Variants in DENND1A observed in about 807,000 individuals in gnomAD.
DENND1A encodes the protein DENN domain-containing protein 1A.
Under a neutral mutation model 113.7 loss-of-function variants are expected in DENND1A, and 51 were observed. That is an observed-to-expected ratio of 0.45 (90% confidence interval 0.36 to 0.57). The LOEUF (loss-of-function observed/expected upper bound fraction) is 0.57. Ranked by LOEUF, DENND1A falls within the 20% of genes least tolerant of loss-of-function variation. DENND1A has a pLI of 0.00. For missense variants in DENND1A, 1,258 were observed against 1,395.9 expected (o/e 0.90, Z 1.57); for synonymous variants, 565 against 570.8 (o/e 0.99, Z 0.14).
intron 13 of DENND1A, among the ~76,000 whole-genome samples, chr9:123,556,817 G>T (rs974738007): frequency 1.2e-4 from 18 of 152,262 alleles, no homozygotes; most frequent in Admixed American, 3.3e-4. Flanking sequence ...GCCAAGAGTA[G>T]GCCGAGGAGA....
intron 13 of DENND1A, among the ~76,000 whole-genome samples, chr9:123,554,553 G>A (rs966627964): frequency 1.3e-5 from 2 of 152,196 alleles, no homozygotes; most frequent in Admixed American, 1.3e-4. Context: ...AACCATCTAG[G>A]TGACATGGTG....
intron 13 of DENND1A, chr9:123,461,880 T>G (rs1056240706): frequency 1.8e-5 from 2 of 113,588 alleles, no homozygotes; most frequent in Admixed American, 2.6e-4. Flanking sequence ...GAATTAGACA[T>G]GGGAAGAAAG....
chr9:123,538,835 T>TAC (rs2056041016), intron 13 of DENND1A, among the ~76,000 whole-genome samples: 1 of 122,408 alleles, frequency 8.2e-6, no homozygotes, highest in Non-Finnish European at 1.7e-5. Context: ...TATATATATA[T>TAC]ATATATATAT....
intron 5 of DENND1A, among the ~76,000 whole-genome samples, chr9:123,730,318 G>C (rs891994553): frequency 5.3e-5 from 8 of 152,130 alleles, no homozygotes; most frequent in Non-Finnish European, 1.2e-4. Context: ...AGAGTGAACA[G>C]GCAACCTACA....
intron 10 of DENND1A, among the ~76,000 whole-genome samples, chr9:123,611,980 T>C (rs1186652959): frequency 6.6e-6 from 1 of 152,240 alleles, no homozygotes. Context: ...AGAGTAATTA[T>C]GGCCTATCGC....
chr9:123,811,522 G>C (rs1247224784), intron 2 of DENND1A, among the ~76,000 whole-genome samples: 2 of 152,214 alleles, frequency 1.3e-5, no homozygotes, highest in African/African-American at 4.8e-5. Context: ...CACTTTGGGA[G>C]GCTGAGGCGG....
intron 1 of DENND1A, among the ~76,000 whole-genome samples, chr9:123,903,330 T>TC (rs1416008838): frequency 9.4e-5 from 2 of 21,190 alleles, no homozygotes; most frequent in African/African-American, 1.2e-3. Context: ...AGACTCCGTC[T>TC]CAAAAAAAAA....
At chr9:123,421,218 C>T (rs941978849) in intron 19 of DENND1A, among the ~76,000 whole-genome samples, 5 of 150,928 alleles carry the variant, frequency 3.3e-5, no homozygotes, top group Non-Finnish European at 7.4e-5. Flanking sequence ...TACCAGGCCC[C>T]GTGCTAGGAG....
chr9:123,482,133 T>C (rs1230237414), intron 13 of DENND1A, among the ~76,000 whole-genome samples: 1 of 152,180 alleles, frequency 6.6e-6, no homozygotes, highest in Non-Finnish European at 1.5e-5. Context: ...AGTCTCGCTC[T>C]GTTGCCCAGG....
chr9:123,583,107 G>A (rs1221871435), intron 12 of DENND1A, 62 bp downstream of exon 12: 1 of 1,284,714 alleles, frequency 7.8e-7, no homozygotes, highest in Non-Finnish European at 1.1e-6. Context: ...ATTCCCCAAA[G>A]TCACGTTCAT....
At chr9:123,533,593 A>G (rs1466380630) in intron 13 of DENND1A, among the ~76,000 whole-genome samples, 1 of 152,158 alleles carries the variant, frequency 6.6e-6, no homozygotes, top group Admixed American at 6.6e-5. Flanking sequence ...ACAATGTCTC[A>G]AGCACTGCGA....
chr9:123,502,708 T>A (rs573785746), intron 13 of DENND1A, among the ~76,000 whole-genome samples: 14 of 152,230 alleles, frequency 9.2e-5, no homozygotes, highest in Non-Finnish European at 1.9e-4. Context: ...TTTGTCTAGT[T>A]TTTCTTTCGT....
chr9:123,497,286 C>G (rs529939498), intron 13 of DENND1A, among the ~76,000 whole-genome samples: 31 of 152,332 alleles, frequency 2.0e-4, no homozygotes, highest in Admixed American at 5.9e-4. Flanking sequence ...CTGAAGCTGA[C>G]AGAGCACGAA....
rs527388565 is a variant in DENND1A, at chr9:123,871,901, G to A, written c.88+7050C>T. ...AAGCATCTGCCCAAGAAGAGTGCCC[G>A]CTGCAGGCTAAGATGCCAGCTGTAA... On this transcript the variant is annotated intron_variant, in intron 2 of 23. Coordinates refer to ENST00000394215, the MANE Select transcript of DENND1A (RefSeq NM_001352964.2). Among the ~76,000 whole-genome samples the A allele has an allele frequency of 5.9e-5, 9 of 152,284 alleles. No homozygotes were observed. The South Asian group carries it at 1.2e-3, about 21-fold the overall frequency.
chr9:123,413,711 G>A (rs2044490963), intron 19 of DENND1A: 2 of 985,412 alleles, frequency 2.0e-6, no homozygotes, highest in Admixed American at 6.1e-5. Context: ...CCCATGCTTG[G>A]TGACCCTTCA....
At chr9:123,397,710 T>C (rs1456849409) in intron 21 of DENND1A, among the ~76,000 whole-genome samples, 1 of 152,184 alleles carries the variant, frequency 6.6e-6, no homozygotes, top group Non-Finnish European at 1.5e-5. Context: ...TAATATGTAG[T>C]GGAATGAAAG....
chr9:123,851,888 G>C (rs990443553), intron 2 of DENND1A, among the ~76,000 whole-genome samples: 1 of 152,154 alleles, frequency 6.6e-6, no homozygotes, highest in Non-Finnish European at 1.5e-5. Flanking sequence ...GCAAACACAG[G>C]TTCTCTTTTA....
At chr9:123,808,870 C>T (rs554610810) in intron 2 of DENND1A, among the ~76,000 whole-genome samples, 2 of 152,156 alleles carry the variant, frequency 1.3e-5, no homozygotes, top group African/African-American at 4.8e-5. Flanking sequence ...GTTCAGTGCC[C>T]GTCCTATGTG....
chr9:123,789,439 G>A (rs1832682094), intron 3 of DENND1A, among the ~76,000 whole-genome samples: 1 of 152,080 alleles, frequency 6.6e-6, no homozygotes, highest in Non-Finnish European at 1.5e-5. Flanking sequence ...AACGTGTTGG[G>A]TCTGCATTAC....
Sources: gnomAD v4.1 joint callset for allele counts (sites outside exome capture counted in the v4.1 genomes callset) on GRCh38, gnomAD v4.1.1 for gene constraint, MANE v1.5 for transcripts, NCBI Gene and HGNC (gene_info 2026-07-23, HGNC 2026-07-21) for gene names.